Variants in ARID1B observed in about 807,000 individuals in gnomAD.
The protein encoded by ARID1B is AT-rich interactive domain-containing protein 1B.
In ARID1B, 30 loss-of-function variants were observed where a neutral mutation model predicts 212.3. The ratio of observed to expected loss-of-function variants is 0.14; its 90% confidence interval spans 0.11 to 0.19. The LOEUF is 0.19. Among genes scored for constraint, ARID1B ranks in the 10% least tolerant of loss-of-function variants. ARID1B has a pLI of 1.00. For synonymous variants in ARID1B, 1,402 were observed against 1,301.7 expected (o/e 1.08, Z -1.66); for missense variants, 2,891 against 3,204.0 (o/e 0.90, Z 2.36).
chr6:156,897,462 C>T (rs952781164), intron 2 of ARID1B, among the ~76,000 whole-genome samples: 4 of 151,272 alleles, frequency 2.6e-5, no homozygotes, highest in African/African-American at 4.9e-5. Flanking sequence ...TTAGTAGAGA[C>T]GGGGTTTTGT....
chr6:156,890,395 T>A (rs1787832190), intron 2 of ARID1B, among the ~76,000 whole-genome samples: 1 of 152,240 alleles, frequency 6.6e-6, no homozygotes, highest in Admixed American at 6.5e-5. Flanking sequence ...GACTTGTTAC[T>A]GATAAAAAAT....
intron 12 of ARID1B, among the ~76,000 whole-genome samples, chr6:157,181,693 CAG>C (rs1229665262): frequency 6.6e-5 from 10 of 152,242 alleles, no homozygotes; most frequent in Non-Finnish European, 1.0e-4. Flanking sequence ...TGAGGTGTGA[CAG>C]GGGAGCTGCC....
At chr6:157,039,652 TC>T (rs1781619361) in intron 4 of ARID1B, among the ~76,000 whole-genome samples, 3 of 73,982 alleles carry the variant, frequency 4.1e-5, no homozygotes, top group African/African-American at 6.1e-5. Context: ...CTTCTTTCCT[TC>T]CTTCCTTCCT....
chr6:156,778,394 G>T lies in ARID1B; in HGVS notation c.714G>T (p.Glu238Asp), dbSNP rs200808642. ...GGAPQPGPDM[E>D]QPQHGGAKDS... ...CGCCTCAGCCCGGCCCCGACATGGAGCAGCCGCAACATGGAGGCGCCAAGG... is the reference window on the plus strand; with the variant it reads ...CGCCTCAGCCCGGCCCCGACATGGATCAGCCGCAACATGGAGGCGCCAAGG... Residue 238 changes from glutamate (E) to aspartate (D), a missense_variant, in exon 1 of 20, where the codon GAG becomes GAT. By Grantham distance (45) the Glu-to-Asp change is conservative. Coordinates refer to ENST00000636930, the MANE Select transcript of ARID1B (RefSeq NM_001374828.1). 5.9e-6 allele frequency: 9 copies of T among 1,534,284 alleles called. No individual in the cohort carries two copies. Among genetic ancestry groups the T allele is most frequent in the Non-Finnish European group, 7.0e-6 (8 of 1,145,052 alleles).
chr6:156,962,140 A>T (rs1449350979), intron 4 of ARID1B, among the ~76,000 whole-genome samples: 2 of 152,124 alleles, frequency 1.3e-5, no homozygotes, highest in African/African-American at 4.8e-5. Context: ...TCTACTAAAA[A>T]TACAAAAAAT....
chr6:156,832,019 TTTAAAATTTAAAAGGC>T (rs1562419818), intron 2 of ARID1B, among the ~76,000 whole-genome samples: 1 of 152,244 alleles, frequency 6.6e-6, no homozygotes, highest in African/African-American at 2.4e-5. Flanking sequence ...AGTATCTTGT[TTTAAAATTTAAAAGGC>T]TAAAAATAAC....
intron 6 of ARID1B, among the ~76,000 whole-genome samples, chr6:157,111,482 G>GCA (rs1786918998): frequency 6.6e-6 from 1 of 152,106 alleles, no homozygotes. Context: ...CCGCTGTCCT[G>GCA]CACTCCCCTC....
intron 4 of ARID1B, among the ~76,000 whole-genome samples, chr6:156,992,605 A>T (rs150505204): frequency 1.3e-5 from 2 of 152,280 alleles, no homozygotes; most frequent in East Asian, 3.9e-4. Flanking sequence ...TAGGTTTTGG[A>T]GCGGGAGGTA....
chr6:157,003,083 G>T (rs1179444060), intron 4 of ARID1B, among the ~76,000 whole-genome samples: 1 of 152,224 alleles, frequency 6.6e-6, no homozygotes, highest in Non-Finnish European at 1.5e-5. Flanking sequence ...AAAGGCTGGG[G>T]CCCCATCACA....
At chr6:156,977,732 A>G (rs373499591) in intron 4 of ARID1B, among the ~76,000 whole-genome samples, 44 of 151,888 alleles carry the variant, frequency 2.9e-4, no homozygotes, top group African/African-American at 1.0e-3. Flanking sequence ...GGTAATTTTT[A>G]TTGTGTGCCA....
intron 8 of ARID1B, chr6:157,151,150 G>C (rs547870569): frequency 2.6e-5 from 4 of 152,572 alleles, no homozygotes; most frequent in African/African-American, 9.6e-5. Flanking sequence ...GAGGGAAATA[G>C]AAACTTTGAT....
At chr6:156,999,012 A>G (rs553449353) in intron 4 of ARID1B, among the ~76,000 whole-genome samples, 1 of 152,310 alleles carries the variant, frequency 6.6e-6, no homozygotes, top group Non-Finnish European at 1.5e-5. Flanking sequence ...GGGGAAGTTT[A>G]TATGTTTCTC....
rs1416276023 is a variant in ARID1B at position 157,210,543 on chromosome 6, C to T, written c.*2652C>T. ...CTTTAGCCTCCTTTCCATATTCTCACCCCCGAATCAAGATTTACAGAAGCC... is the reference window on the plus strand; with the variant it reads ...CTTTAGCCTCCTTTCCATATTCTCATCCCCGAATCAAGATTTACAGAAGCC... On this transcript the variant is annotated 3_prime_UTR_variant, in exon 20 of 20. Transcript: ENST00000636930. 2.2e-5 allele frequency: 5 copies of T among 232,440 alleles called. No individual in the cohort carries two copies. Among genetic ancestry groups the T allele is most frequent in the Non-Finnish European group, 4.2e-5 (5 of 117,686 alleles). The allele number at this position is 232,440 out of a possible 1,614,324, so 14.4% of individuals were successfully genotyped here.
At chr6:156,932,636 A>G (rs986869736) in intron 3 of ARID1B, among the ~76,000 whole-genome samples, 2 of 152,208 alleles carry the variant, frequency 1.3e-5, no homozygotes, top group Non-Finnish European at 2.9e-5. Flanking sequence ...TGAGATGAAA[A>G]TAAGTATGTA....
chr6:156,784,905 G>A (rs1242929111), intron 1 of ARID1B, among the ~76,000 whole-genome samples: 1 of 152,130 alleles, frequency 6.6e-6, no homozygotes, highest in Non-Finnish European at 1.5e-5. Context: ...GACTACAGGT[G>A]CACGCCATCA....
At chr6:157,204,127 A>C in intron 19 of ARID1B, 131 bp downstream of exon 19, 1 of 1,188,608 alleles carries the variant, frequency 8.4e-7, no homozygotes, top group Non-Finnish European at 1.2e-6. Context: ...TGCAGTTGTT[A>C]TCAACCAGCC....
At chr6:157,113,684 C>T (rs1787107065) in intron 6 of ARID1B, among the ~76,000 whole-genome samples, 1 of 152,160 alleles carries the variant, frequency 6.6e-6, no homozygotes, top group South Asian at 2.1e-4. Context: ...TGGGTGGGGA[C>T]ACAGTTCAAC....
chr6:157,206,640 C>G lies in ARID1B; in HGVS notation c.5868C>G (p.His1956Gln). 6.2e-7 allele frequency: 1 copy of G among 1,613,968 alleles called. No homozygotes were observed. Among genetic ancestry groups the G allele is most frequent in the Non-Finnish European group, 8.5e-7 (1 of 1,180,020 alleles). ...ACACCACCGAGCACATTCAGACTCA[C>G]TTTGAGAGCAAGATGGAAATTCCTC... ...GGDTTEHIQT[H>Q]FESKMEIPPR... The change falls in exon 20 of 20, where the codon CAC becomes CAG. Residue 1956 changes from histidine to glutamine, a missense_variant. Transcript: ENST00000636930. This position sits in a 1 kb window ranked among gnomAD's most constrained non-coding sequence, Gnocchi z 6.8.
At chr6:157,126,780 A>G (rs1427302930) in intron 6 of ARID1B, among the ~76,000 whole-genome samples, 4 of 152,228 alleles carry the variant, frequency 2.6e-5, no homozygotes, top group Non-Finnish European at 5.9e-5. Flanking sequence ...TTCACAATAT[A>G]TAGGAAATTC....
Sources: allele counts gnomAD v4.1 joint callset (sites outside exome capture counted in the v4.1 genomes callset), GRCh38; gene constraint gnomAD v4.1.1; non-coding constraint Gnocchi (gnomAD v3.1); transcripts MANE v1.5; gene names NCBI Gene and HGNC (gene_info 2026-07-23, HGNC 2026-07-21).